GRID2: variants seen among roughly 807,000 people sequenced by gnomAD.
The protein encoded by GRID2 is glutamate ionotropic receptor delta type subunit 2, also known as glutamate receptor ionotropic, delta-2.
In GRID2, 33 loss-of-function variants were observed where a neutral mutation model predicts 114.8. The ratio of observed to expected loss-of-function variants is 0.29; its 90% CI spans 0.22 to 0.38. GRID2 has a LOEUF of 0.38. Among genes scored for constraint, GRID2 ranks in the 10% least tolerant of loss-of-function variants. The probability of loss-of-function intolerance (pLI) is 1.00; values close to 1 mark genes in which losing one functional copy is unlikely to be tolerated. For missense variants in GRID2, 1,184 were observed against 1,257.7 expected (o/e 0.94, Z 0.89); for synonymous variants, 505 against 449.9 (o/e 1.12, Z -1.55).
chr4:92,409,984 G>GAAA (rs2110298203), intron 1 of GRID2, among the ~76,000 whole-genome samples: 1 of 152,196 alleles, frequency 6.6e-6, no homozygotes, highest in South Asian at 2.1e-4. Flanking sequence ...GTTCTCCCTT[G>GAAA]GAGTAGTCTC....
At chr4:93,227,336 T>C (rs891204662) in intron 7 of GRID2, among the ~76,000 whole-genome samples, 4 of 152,112 alleles carry the variant, frequency 2.6e-5, no homozygotes, top group Non-Finnish European at 5.9e-5. Flanking sequence ...CAAGTGATTC[T>C]CCAGCCCCAG....
chr4:92,751,558 T>A (rs894058701), intron 2 of GRID2, among the ~76,000 whole-genome samples: 11 of 152,214 alleles, frequency 7.2e-5, no homozygotes, highest in African/African-American at 2.7e-4. Context: ...TAAATCAATG[T>A]TCTCTTTTCC....
intron 11 of GRID2, among the ~76,000 whole-genome samples, chr4:93,459,153 C>G (rs577434502): frequency 8.0e-6 from 1 of 124,818 alleles, no homozygotes; most frequent in African/African-American, 3.1e-5. Flanking sequence ...GCACTCCAGC[C>G]GGGATGACAA....
intron 2 of GRID2, among the ~76,000 whole-genome samples, chr4:92,807,532 A>G (rs1740476956): frequency 6.6e-6 from 1 of 152,056 alleles, no homozygotes; most frequent in Non-Finnish European, 1.5e-5. Flanking sequence ...AATGAAGAAT[A>G]TGTGAATATT....
At chr4:93,569,742 T>A (rs1390328855) in intron 13 of GRID2, among the ~76,000 whole-genome samples, 6 of 152,194 alleles carry the variant, frequency 3.9e-5, no homozygotes, top group Non-Finnish European at 7.3e-5. Context: ...CTTTGTTTTT[T>A]CTTCCATGTG....
At chr4:92,431,572 G>A (rs115653709) in intron 1 of GRID2, among the ~76,000 whole-genome samples, 20,687 of 145,104 alleles carry the variant, frequency 0.14, 1,716 homozygotes, top group Middle Eastern at 0.21. Flanking sequence ...ATTGTTTGAC[G>A]TGTCTTTTTT....
At chr4:93,310,265 A>G (rs1028447613) in intron 8 of GRID2, among the ~76,000 whole-genome samples, 3 of 152,100 alleles carry the variant, frequency 2.0e-5, no homozygotes, top group Admixed American at 6.6e-5. Context: ...CACTCCTGTA[A>G]TCCCAGCACT....
At chr4:93,153,571 A>G (rs907354778) in intron 4 of GRID2, among the ~76,000 whole-genome samples, 4 of 152,066 alleles carry the variant, frequency 2.6e-5, no homozygotes, top group African/African-American at 4.8e-5. Flanking sequence ...CCGATGTGCT[A>G]TGAATGAAAG....
At chr4:92,921,579 G>C (rs1371233738) in intron 2 of GRID2, among the ~76,000 whole-genome samples, 3 of 152,182 alleles carry the variant, frequency 2.0e-5, no homozygotes, top group Non-Finnish European at 2.9e-5. Context: ...AGGACCCTCA[G>C]CTGCAGGTCT....
At chr4:92,813,331 T>C (rs2149380531) in intron 2 of GRID2, among the ~76,000 whole-genome samples, 1 of 152,202 alleles carries the variant, frequency 6.6e-6, no homozygotes, top group South Asian at 2.1e-4. Context: ...TCTTCCTTGT[T>C]GCAAACAACC....
chr4:92,339,480 C>A (rs1023062272), intron 1 of GRID2, among the ~76,000 whole-genome samples: 2 of 152,040 alleles, frequency 1.3e-5, no homozygotes, highest in East Asian at 1.9e-4. Flanking sequence ...CATTTATCGA[C>A]TATATATATT....
At chr4:93,086,277 A>G (rs898084158) in intron 3 of GRID2, among the ~76,000 whole-genome samples, 8 of 152,212 alleles carry the variant, frequency 5.3e-5, no homozygotes, top group Admixed American at 3.3e-4. Context: ...TCTCTGTAGC[A>G]TAACTTATTT....
intron 2 of GRID2, among the ~76,000 whole-genome samples, chr4:92,952,981 A>G (rs1305518355): frequency 6.6e-6 from 1 of 151,994 alleles, no homozygotes; most frequent in Admixed American, 6.6e-5. Context: ...GATGGTCATC[A>G]ACTGGCATTT....
chr4:93,151,055 C>T (rs1009694288), intron 4 of GRID2, among the ~76,000 whole-genome samples: 6 of 139,356 alleles, frequency 4.3e-5, no homozygotes, highest in South Asian at 2.2e-4. Flanking sequence ...ACGTGGGATG[C>T]GGAGGTTACA....
At chr4:93,422,657 T>C (rs1768406722) in intron 9 of GRID2, 114 bp from the exon 10 acceptor site, 2 of 657,522 alleles carry the variant, frequency 3.0e-6, no homozygotes, top group Non-Finnish European at 5.3e-6. Flanking sequence ...CTGAGTTGAT[T>C]CTTTCAAAGT....
chr4:92,906,687 T>TG (rs1228039222), intron 2 of GRID2, among the ~76,000 whole-genome samples: 1 of 152,096 alleles, frequency 6.6e-6, no homozygotes, highest in Non-Finnish European at 1.5e-5. Context: ...GGTGTGATCT[T>TG]GGCTCACTGC....
rs11456511 is a variant in GRID2 at position 92,792,893 on chromosome 4, ATTT to A, written c.244+202621_244+202623del. ...CCAGGACCAGCGACTCATAATATCC[ATTT>A]TTTTTTTTTTTTTGTCATTTTGCAC... On this transcript the variant is annotated intron_variant, in intron 2 of 15. Coordinates refer to ENST00000282020, the MANE Select transcript of GRID2 (RefSeq NM_001510.4). Among the ~76,000 whole-genome samples the A allele has an allele frequency of 6.9e-3, 926 of 133,274 alleles. 9 individuals are homozygous for A. Among genetic ancestry groups the A allele is most frequent in the African/African-American group, 0.024 (869 of 36,702 alleles). The allele number at this position is 133,274 out of a possible 152,430, so 87.4% of individuals were successfully genotyped here.
At chr4:92,536,807 G>A (rs886469671) in intron 1 of GRID2, among the ~76,000 whole-genome samples, 5 of 152,098 alleles carry the variant, frequency 3.3e-5, no homozygotes, top group Admixed American at 2.6e-4. Flanking sequence ...GAATGACTAA[G>A]TGTAATAAGC....
intron 14 of GRID2, among the ~76,000 whole-genome samples, chr4:93,754,906 C>A (rs1035420938): frequency 6.6e-6 from 1 of 152,162 alleles, no homozygotes; most frequent in African/African-American, 2.4e-5. Context: ...AATAAAGAGA[C>A]CAGCCTCTTG....
Sources: gnomAD v4.1 joint callset for allele counts (sites outside exome capture counted in the v4.1 genomes callset) on GRCh38, gnomAD v4.1.1 for gene constraint, MANE v1.5 for transcripts, NCBI Gene and HGNC (gene_info 2026-07-23, HGNC 2026-07-21) for gene names.